Variants in CDH11 observed in about 807,000 individuals in gnomAD.
The protein encoded by CDH11 is cadherin-11.
A neutral mutation model predicts 67.8 loss-of-function variants in CDH11; 11 were observed. The ratio of observed to expected loss-of-function variants is 0.16; its 90% CI spans 0.10 to 0.27. The LOEUF is 0.27. CDH11 is among the 10% of genes least tolerant of loss of function. CDH11 has a pLI of 1.00. For synonymous variants in CDH11, 419 were observed against 400.0 expected (o/e 1.05, Z -0.57); for missense variants, 847 against 1,031.2 (o/e 0.82, Z 2.45).
At chr16:65,092,212 C>T (rs2074804025) in intron 1 of CDH11, among the ~76,000 whole-genome samples, 1 of 152,158 alleles carries the variant, frequency 6.6e-6, no homozygotes, top group Non-Finnish European at 1.5e-5. Flanking sequence ...TCTTAGAGGT[C>T]ACCAAACTTA....
intron 7 of CDH11, chr16:64,984,773 T>C (rs2072444118): frequency 6.6e-6 from 1 of 152,216 alleles, no homozygotes; most frequent in South Asian, 2.1e-4. Flanking sequence ...AAAATGATTA[T>C]GTACATTATA....
chr16:65,108,730 G>A (rs190445101), intron 1 of CDH11, among the ~76,000 whole-genome samples: 2 of 152,068 alleles, frequency 1.3e-5, no homozygotes, highest in Non-Finnish European at 1.5e-5. Context: ...GTAGACAATT[G>A]AAAGTTGATT....
At chr16:65,075,645 T>C (rs1415706387) in intron 1 of CDH11, among the ~76,000 whole-genome samples, 1 of 152,190 alleles carries the variant, frequency 6.6e-6, no homozygotes, top group African/African-American at 2.4e-5. Flanking sequence ...ACTCTATTGC[T>C]AACAAGCAAT....
At chr16:65,042,102 G>A (rs28441419) in intron 2 of CDH11, among the ~76,000 whole-genome samples, 10,274 of 152,210 alleles carry the variant, frequency 0.067, 1,182 homozygotes, top group African/African-American at 0.24. Context: ...TAGTCACATT[G>A]GTTTAGTCAT....
intron 1 of CDH11, among the ~76,000 whole-genome samples, chr16:65,101,733 A>T (rs953602668): frequency 1.6e-4 from 24 of 152,260 alleles, no homozygotes; most frequent in African/African-American, 5.8e-4. Context: ...GATCACATTT[A>T]TCACTACTAA....
intron 1 of CDH11, among the ~76,000 whole-genome samples, chr16:65,101,294 A>G (rs191349250): frequency 6.6e-6 from 1 of 152,272 alleles, no homozygotes; most frequent in African/African-American, 2.4e-5. Flanking sequence ...GGCATGCACA[A>G]GCAGAGCACC....
chr16:64,993,196 A>ACCTTCCTT (rs71143543), intron 4 of CDH11, among the ~76,000 whole-genome samples, 162 bp from the exon 5 acceptor site: 2,605 of 147,196 alleles, frequency 0.018, 60 homozygotes, highest in African/African-American at 0.045. Context: ...CAGCCAACCA[A>ACCTTCCTT]CCTTCCTTCC....
chr16:65,086,127 T>C (rs2074694273), intron 1 of CDH11, among the ~76,000 whole-genome samples: 1 of 152,336 alleles, frequency 6.6e-6, no homozygotes. Context: ...GATTCAAAAA[T>C]ATCTTCTGGA....
chr16:65,025,138 C>T (rs1281176630), intron 2 of CDH11, among the ~76,000 whole-genome samples: 2 of 152,122 alleles, frequency 1.3e-5, no homozygotes, highest in African/African-American at 4.8e-5. Context: ...AACTCACTTC[C>T]CCTCTCTGAG....
chr16:64,999,155 G>A (rs980397701), intron 3 of CDH11, among the ~76,000 whole-genome samples: 7 of 152,112 alleles, frequency 4.6e-5, no homozygotes, highest in African/African-American at 7.2e-5. Flanking sequence ...AAACCTAAAC[G>A]TATCTGTCAA....
upstream of CDH11, among the ~76,000 whole-genome samples, chr16:65,123,400 C>A (rs541181492): frequency 6.6e-6 from 1 of 151,964 alleles, no homozygotes; most frequent in South Asian, 2.1e-4. Context: ...GAAAGCTGGG[C>A]GCCACAGCCA....
At chr16:65,120,875 G>A (rs908211276) in intron 1 of CDH11, among the ~76,000 whole-genome samples, 1 of 152,180 alleles carries the variant, frequency 6.6e-6, no homozygotes, top group African/African-American at 2.4e-5. Flanking sequence ...GCTTCACAGC[G>A]TGAGGCGGGC....
chr16:64,952,320 G>T (rs1458791930), intron 11 of CDH11, among the ~76,000 whole-genome samples: 1 of 152,102 alleles, frequency 6.6e-6, no homozygotes. Context: ...TAACCACTTT[G>T]ACCTCTGTGG....
chr16:65,106,011 A>G (rs1057134305), intron 1 of CDH11, among the ~76,000 whole-genome samples: 5 of 152,154 alleles, frequency 3.3e-5, no homozygotes, highest in Non-Finnish European at 5.9e-5. Context: ...AGAACTGAGA[A>G]CTATGTTCTG....
At chr16:65,080,571 T>C (rs1009388243) in intron 1 of CDH11, among the ~76,000 whole-genome samples, 2 of 152,244 alleles carry the variant, frequency 1.3e-5, no homozygotes, top group African/African-American at 4.8e-5. Flanking sequence ...ACAAGTTGAA[T>C]TCTTCATGTG....
intron 12 of CDH11, 120 bp downstream of exon 12, chr16:64,950,647 A>T: frequency 1.4e-6 from 1 of 727,178 alleles, no homozygotes; most frequent in Non-Finnish European, 1.9e-6. Flanking sequence ...TCTTTTCTTG[A>T]ACTGTGTCGA....
At chr16:64,972,099 C>G (rs1411703262) in intron 9 of CDH11, 35 bp from the exon 10 acceptor site, 6 of 1,607,450 alleles carry the variant, frequency 3.7e-6, no homozygotes, top group Non-Finnish European at 5.1e-6. Flanking sequence ...CAAGAAAGGT[C>G]AAGGAGAAAT....
intron 2 of CDH11, among the ~76,000 whole-genome samples, chr16:65,043,920 T>C (rs1181821545): frequency 6.6e-6 from 1 of 152,148 alleles, no homozygotes; most frequent in Non-Finnish European, 1.5e-5. Context: ...AGGCTCTGCT[T>C]CACCTCTTTG....
intron 1 of CDH11, among the ~76,000 whole-genome samples, chr16:65,061,440 G>A (rs1320242607): frequency 1.3e-5 from 2 of 152,054 alleles, no homozygotes; most frequent in Non-Finnish European, 2.9e-5. Flanking sequence ...TACTCATTTG[G>A]CACAAATTAT....
Sources: allele counts gnomAD v4.1 joint callset (sites outside exome capture counted in the v4.1 genomes callset), GRCh38; gene constraint gnomAD v4.1.1; transcripts MANE v1.5; gene names NCBI Gene and HGNC (gene_info 2026-07-23, HGNC 2026-07-21).